The following SPEF2 variants were observed in gnomAD, a reference collection of about 807,000 sequenced individuals.
SPEF2 encodes the protein sperm flagellar and cilia associated 2, also known as sperm flagella and cilia-associated protein 2.
Under a neutral mutation model 224.6 loss-of-function variants are expected in SPEF2, and 187 were observed. That is an observed-to-expected ratio of 0.83 (90% CI 0.74 to 0.94). The LOEUF is 0.94. Ranked by LOEUF, SPEF2 falls within the 40% of genes least tolerant of loss-of-function variation. The probability of loss-of-function intolerance (pLI) is 0.00; values close to 1 mark genes in which losing one functional copy is unlikely to be tolerated. For synonymous variants in SPEF2, 715 were observed against 707.3 expected (o/e 1.01, Z -0.17); for missense variants, 2,170 against 2,135.6 (o/e 1.02, Z -0.32).
intron 27 of SPEF2, among the ~76,000 whole-genome samples, chr5:35,773,315 G>A (rs967391061): frequency 6.6e-6 from 1 of 152,178 alleles, no homozygotes; most frequent in East Asian, 1.9e-4. Context: ...GGGAGGTCGA[G>A]GCTGCATTGA....
chr5:35,624,685 G>A (rs1276336022), intron 1 of SPEF2, among the ~76,000 whole-genome samples: 1 of 152,046 alleles, frequency 6.6e-6, no homozygotes, highest in Non-Finnish European at 1.5e-5. Flanking sequence ...TCACCAGGCT[G>A]GAGTGCAGTG....
chr5:35,792,420 A>T lies in SPEF2; in HGVS notation c.4528A>T (p.Asn1510Tyr). ...LNLGTNNFPS[N>Y]WMHLTQPELQ... Reference sequence around the variant, plus strand: ...CCTTGGCACAAACAACTTTCCTAGTAATTGGATGCACCTTACCCAACCTGA... The same window carrying T: ...CCTTGGCACAAACAACTTTCCTAGTTATTGGATGCACCTTACCCAACCTGA... Residue 1510 changes from asparagine (N) to tyrosine (Y), a missense_variant, in exon 31 of 37, where the codon AAT becomes TAT. Asn to Tyr is a moderately radical substitution (Grantham distance 143). Transcript: ENST00000356031. 1 of 1,613,784 alleles carries T rather than the reference A, an allele frequency of 6.2e-7. No individual in the cohort carries two copies. Among genetic ancestry groups the T allele is most frequent in the East Asian group, 2.2e-5 (1 of 44,824 alleles).
intron 26 of SPEF2, among the ~76,000 whole-genome samples, chr5:35,767,815 C>T (rs1752286663): frequency 6.6e-6 from 1 of 151,896 alleles, no homozygotes; most frequent in Non-Finnish European, 1.5e-5. Context: ...TCATTATTGA[C>T]CTAAGAGAAG....
intron 23 of SPEF2, among the ~76,000 whole-genome samples, chr5:35,746,379 A>G (rs1050787325): frequency 7.2e-5 from 11 of 152,240 alleles, no homozygotes; most frequent in African/African-American, 2.7e-4. Flanking sequence ...TCAGGGAGGC[A>G]CCAGAGAAAG....
intron 32 of SPEF2, among the ~76,000 whole-genome samples, chr5:35,794,859 A>G (rs1756449090): frequency 6.6e-6 from 1 of 152,090 alleles, no homozygotes; most frequent in African/African-American, 2.4e-5. Flanking sequence ...TTTGAACACT[A>G]CCTGTGTTTT....
intron 4 of SPEF2, 71 bp from the exon 5 acceptor site, chr5:35,646,596 T>A: frequency 7.0e-7 from 1 of 1,421,860 alleles, no homozygotes; most frequent in Non-Finnish European, 9.5e-7. Flanking sequence ...TATATATTTG[T>A]ACCTATGAGT....
chr5:35,808,006 C>G, intron 36 of SPEF2: 1 of 1,236,954 alleles, frequency 8.1e-7, no homozygotes, highest in Non-Finnish European at 1.0e-6. Flanking sequence ...AAAGTGTTTG[C>G]TGAGTTGAAA....
chr5:35,628,113 A>G (rs890570921), intron 1 of SPEF2, among the ~76,000 whole-genome samples: 3 of 152,214 alleles, frequency 2.0e-5, no homozygotes, highest in Non-Finnish European at 4.4e-5. Flanking sequence ...CTAAAGTATT[A>G]GAGTATGATT....
At chr5:35,638,191 T>C (rs286442) in intron 2 of SPEF2, among the ~76,000 whole-genome samples, 38,584 of 152,060 alleles carry the variant, frequency 0.25, 7,542 homozygotes, top group African/African-American at 0.55. Flanking sequence ...TTAATGAATG[T>C]CTACATTTCC....
chr5:35,667,382 G>T, intron 9 of SPEF2, 123 bp downstream of exon 9: 1 of 918,206 alleles, frequency 1.1e-6, no homozygotes, highest in South Asian at 2.3e-5. Context: ...AAGACTAAAA[G>T]GTGGGGTCCA....
intron 29 of SPEF2, among the ~76,000 whole-genome samples, chr5:35,777,988 C>A (rs1334522022): frequency 6.6e-6 from 1 of 152,116 alleles, no homozygotes; most frequent in Non-Finnish European, 1.5e-5. Context: ...ACGCAACCAC[C>A]CTAAAAGCAT....
At chr5:35,705,034 A>C (rs1739468647) in intron 17 of SPEF2, among the ~76,000 whole-genome samples, 1 of 152,094 alleles carries the variant, frequency 6.6e-6, no homozygotes, top group East Asian at 1.9e-4. Context: ...GCTAAAATAA[A>C]ATTATTCTTC....
intron 23 of SPEF2, among the ~76,000 whole-genome samples, 197 bp downstream of exon 23, chr5:35,740,464 C>G (rs1179199684): frequency 6.6e-6 from 1 of 152,190 alleles, no homozygotes. Flanking sequence ...CATAGCAACA[C>G]TTCTGGAAAG....
chr5:35,670,717 G>A, intron 10 of SPEF2: 2 of 985,720 alleles, frequency 2.0e-6, no homozygotes, highest in South Asian at 9.4e-5. Flanking sequence ...GGTGCCAACT[G>A]TGATTTTTAG....
At chr5:35,691,573 G>A (rs1754491123) in intron 11 of SPEF2, among the ~76,000 whole-genome samples, 2 of 152,132 alleles carry the variant, frequency 1.3e-5, no homozygotes, top group East Asian at 1.9e-4. Flanking sequence ...AGAAAGAAGT[G>A]GAATTATTGG....
intron 10 of SPEF2, among the ~76,000 whole-genome samples, chr5:35,687,809 TTCAAG>T (rs1457241708): frequency 1.3e-5 from 2 of 152,206 alleles, no homozygotes; most frequent in Non-Finnish European, 2.9e-5. Flanking sequence ...TCACCCTCTA[TTCAAG>T]TCATTTTTCT....
rs199847654 is a variant in SPEF2, at chr5:35,670,169, A to G, written c.1466A>G (p.Gln489Arg). The G allele has an allele frequency of 1.2e-5, 20 of 1,612,350 alleles. No individual in the cohort carries two copies. In the Admixed American group the frequency reaches 1.7e-4, roughly 13 times the overall value. ...KTLPANPSRE[Q>R]LTELEKRDLL... is the part of the protein sequence containing the mutation. ...CTACCTGCTAACCCCTCAAGAGAAC[A>G]ACTTACAGAACTGGAGAAAAGGGAC... Residue 489 changes from glutamine (Q) to arginine (R), a missense_variant, in exon 10 of 37, where the codon CAA becomes CGA. Physicochemically the swap from Gln to Arg is conservative, Grantham distance 43. Transcript: ENST00000356031.
intron 36 of SPEF2, among the ~76,000 whole-genome samples, chr5:35,809,866 A>T (rs1009273680): frequency 6.6e-6 from 1 of 152,100 alleles, no homozygotes; most frequent in East Asian, 1.9e-4. Flanking sequence ...CCTGCTCCAC[A>T]TATCAGGGAA....
chr5:35,631,091 T>C (rs1241370695), intron 2 of SPEF2, among the ~76,000 whole-genome samples: 1 of 152,190 alleles, frequency 6.6e-6, no homozygotes, highest in Non-Finnish European at 1.5e-5. Context: ...TGTTTTGGAC[T>C]TATAGTTCCA....
Sources: allele counts gnomAD v4.1 joint callset (sites outside exome capture counted in the v4.1 genomes callset), GRCh38; gene constraint gnomAD v4.1.1; transcripts MANE v1.5; gene names NCBI Gene and HGNC (gene_info 2026-07-23, HGNC 2026-07-21).